NDUFAF6: variants seen among roughly 807,000 people sequenced by gnomAD.
NDUFAF6 encodes the protein NADH:ubiquinone oxidoreductase complex assembly factor 6.
In NDUFAF6, 45 loss-of-function variants were observed where a neutral mutation model predicts 40.8. That is an observed-to-expected ratio of 1.10 (90% CI 0.87 to 1.42). NDUFAF6 has a LOEUF of 1.42. NDUFAF6 is among the 40% of genes most tolerant of loss of function. The pLI is 0.00. For synonymous variants in NDUFAF6, 185 were observed against 155.9 expected (o/e 1.19, Z -1.39); for missense variants, 435 against 418.5 (o/e 1.04, Z -0.34).
At chr8:94,955,565 T>C (rs1202728786), upstream of NDUFAF6, among the ~76,000 whole-genome samples, 2 of 152,256 alleles carry the variant, frequency 1.3e-5, no homozygotes, top group African/African-American at 4.8e-5. Flanking sequence ...TTGAAGTATT[T>C]TGTCTCTAAT....
At chr8:95,013,910 T>A (rs147903538) in intron 2 of NDUFAF6, among the ~76,000 whole-genome samples, 35 of 152,184 alleles carry the variant, frequency 2.3e-4, no homozygotes, top group African/African-American at 5.3e-4. Flanking sequence ...AGATGACTAG[T>A]GTCCTTATAC....
chr8:94,946,696 C>CAAAAAAAAA (rs71273438), intron 2 of NDUFAF6, among the ~76,000 whole-genome samples: 659 of 34,668 alleles, frequency 0.019, 108 homozygotes, highest in Non-Finnish European at 0.022. Flanking sequence ...GACCCTGTCT[C>CAAAAAAAAA]AAAAAAAAAA....
intron 1 of NDUFAF6, chr8:94,939,638 T>A (rs1236850603): frequency 3.6e-6 from 2 of 556,090 alleles, no homozygotes; most frequent in Non-Finnish European, 6.3e-6. Context: ...GCTTAAGTGA[T>A]CTGCCTGCCT....
At position 95,082,647 on chromosome 8, in the gene NDUFAF6, G is replaced by GTTTGT. The variant is rs528649760; in HGVS notation, n.213+6919_213+6923dup. 1.0e-3 allele frequency among the ~76,000 whole-genome samples: 154 copies of GTTTGT among 151,798 alleles called. No individual in the cohort carries two copies. The East Asian group carries it at 0.01, about 10-fold the overall frequency. On this transcript the variant is annotated intron_variant and non_coding_transcript_variant, in intron 2 of 5. Coordinates refer to the NDUFAF6 transcript ENST00000523184. ...TAGCATTCTTTTTGTTTGTTTGTTT[G>GTTTGT]TTTGTTTTGTTTTGTTTTGTTTTGT...
At chr8:95,020,499 C>A (rs1323240819), upstream of NDUFAF6, among the ~76,000 whole-genome samples, 1 of 152,196 alleles carries the variant, frequency 6.6e-6, no homozygotes, top group Non-Finnish European at 1.5e-5. Context: ...CTGAGGCAGC[C>A]CTGCAGGCAC....
intron 2 of NDUFAF6, chr8:94,951,359 G>GCCAAAATGACATTTATTT (rs1822601445): frequency 1.3e-5 from 2 of 152,202 alleles, no homozygotes; most frequent in Non-Finnish European, 2.9e-5. Flanking sequence ...CCAAAATGAC[G>GCCAAAATGACATTTATTT]GCATTGTGAA....
At chr8:95,047,508 C>CTT (rs373655223) in intron 6 of NDUFAF6, among the ~76,000 whole-genome samples, 65 of 126,408 alleles carry the variant, frequency 5.1e-4, no homozygotes, top group Non-Finnish European at 7.8e-4. Flanking sequence ...CTTTTCTTTT[C>CTT]TTTTTTTTTT....
chr8:95,015,118 C>T (rs1827386580), intron 2 of NDUFAF6, among the ~76,000 whole-genome samples: 1 of 152,140 alleles, frequency 6.6e-6, no homozygotes. Flanking sequence ...GAGCATTTAC[C>T]AAAAGAAAGA....
intron 1 of NDUFAF6, among the ~76,000 whole-genome samples, chr8:94,938,655 A>G (rs1821223592): frequency 6.6e-6 from 1 of 152,216 alleles, no homozygotes; most frequent in Admixed American, 6.5e-5. Flanking sequence ...ATAAGACCCC[A>G]ATAGTACTGA....
rs529795991 is a variant in NDUFAF6, at chr8:95,025,604, A to T, written c.197+399A>T. Among the ~76,000 whole-genome samples the T allele has an allele frequency of 1.9e-3, 297 of 152,320 alleles. 4 individuals are homozygous for T. The highest frequency in any genetic ancestry group is 3.4e-3 in the Non-Finnish European group (231 of 68,018). The stretch of plus-strand genomic sequence containing the variant: ...AGATTACGAGTAATTAGTCTTCATT[A>T]CAAGTTGCGACGGACAAATGTAGAC... On this transcript the variant is annotated intron_variant, in intron 1 of 8. Coordinates refer to ENST00000396124, the MANE Select transcript of NDUFAF6 (RefSeq NM_152416.4).
At chr8:95,090,750 G>C (rs1014239768) in intron 2 of NDUFAF6, among the ~76,000 whole-genome samples, 3 of 152,088 alleles carry the variant, frequency 2.0e-5, no homozygotes, top group Non-Finnish European at 2.9e-5. Context: ...GGTGGGCTGG[G>C]GAAAGCAGAT....
downstream of NDUFAF6, among the ~76,000 whole-genome samples, chr8:95,063,306 C>G (rs1276847803): frequency 6.6e-6 from 1 of 152,158 alleles, no homozygotes; most frequent in Non-Finnish European, 1.5e-5. Flanking sequence ...TTTTACTCCC[C>G]TCCACAAATA....
downstream of NDUFAF6, among the ~76,000 whole-genome samples, chr8:95,105,377 T>C (rs4255104): frequency 0.83 from 125,430 of 151,128 alleles, 52,451 homozygotes; most frequent in East Asian, 1. Flanking sequence ...TTTTTTTTTT[T>C]GAGACAGGGT....
upstream of NDUFAF6, among the ~76,000 whole-genome samples, chr8:95,096,687 T>C (rs1305766582): frequency 6.6e-6 from 1 of 152,206 alleles, no homozygotes; most frequent in African/African-American, 2.4e-5. Context: ...ACTATGAACA[T>C]CTTGCAAAAG....
In NDUFAF6 at chr8:95,112,673, C is replaced by T. The variant is rs147172072; in HGVS notation, n.345-2863C>T. Reference sequence around the variant, plus strand: ...CCATTAAGATCCTGTTTGCCTACCACGTTGCAGACAAAAGACACCTTGCCA... The same window carrying T: ...CCATTAAGATCCTGTTTGCCTACCATGTTGCAGACAAAAGACACCTTGCCA... On this transcript the variant is annotated intron_variant and non_coding_transcript_variant, in intron 4 of 5. Coordinates refer to the NDUFAF6 transcript ENST00000523184. Among the ~76,000 whole-genome samples the T allele has an allele frequency of 3.4e-3, 519 of 152,322 alleles. 3 individuals carry two copies. The highest frequency in any genetic ancestry group is 0.016 in the South Asian group (76 of 4,830).
chr8:94,942,199 G>A (rs1370228449), intron 1 of NDUFAF6, among the ~76,000 whole-genome samples: 2 of 151,836 alleles, frequency 1.3e-5, no homozygotes, highest in African/African-American at 4.8e-5. Flanking sequence ...ACCACATCCG[G>A]CTAATTTCTT....
intron 2 of NDUFAF6, among the ~76,000 whole-genome samples, chr8:95,005,166 A>G (rs1826906859): frequency 6.6e-6 from 1 of 152,132 alleles, no homozygotes; most frequent in African/African-American, 2.4e-5. Context: ...GGGAGAAAAA[A>G]GTCTCCAACT....
At chr8:95,053,791 G>A (rs28620649) in intron 8 of NDUFAF6, among the ~76,000 whole-genome samples, 4,669 of 151,638 alleles carry the variant, frequency 0.031, 247 homozygotes, top group African/African-American at 0.1. Flanking sequence ...ATGCCTGGCT[G>A]ATTTTTTTGT....
Position 94,930,642 on chromosome 8 carries a change from T to A in NDUFAF6, c.-935-14841T>A, listed in dbSNP as rs1820304162. On this transcript the variant is annotated intron_variant, in intron 1 of 14. Transcript: ENST00000396113. ...TATCCACTGGGAAGGGCGAAAGCTC[T>A]TGGGTTGTTCCAGAAAAGTTGTATG... is the stretch of plus-strand genomic sequence containing the variant. The A allele has an allele frequency of 1.9e-6, 3 of 1,614,242 alleles. No homozygotes were observed. In the African/African-American group the frequency reaches 4.0e-5, roughly 22 times the overall value.
Sources: allele counts gnomAD v4.1 joint callset (sites outside exome capture counted in the v4.1 genomes callset), GRCh38; gene constraint gnomAD v4.1.1; transcripts MANE v1.5; gene names NCBI Gene and HGNC (gene_info 2026-07-23, HGNC 2026-07-21).